DLG2: variants seen among roughly 807,000 people sequenced by gnomAD.
DLG2 encodes the protein discs large MAGUK scaffold protein 2, also known as disks large homolog 2.
DLG2 carries 45 observed loss-of-function variants against 132.5 expected under a neutral mutation model. The ratio of observed to expected loss-of-function variants is 0.34; its 90% confidence interval spans 0.27 to 0.44. DLG2 has a LOEUF of 0.44. DLG2 is among the 20% of genes least tolerant of loss of function. The pLI, the probability that DLG2 is intolerant of heterozygous loss-of-function variation, is 1.00. For synonymous variants in DLG2, 424 were observed against 419.6 expected (o/e 1.01, Z -0.13); for missense variants, 1,045 against 1,196.9 (o/e 0.87, Z 1.87).
chr11:84,957,576 C>T (rs2051881363), intron 6 of DLG2, among the ~76,000 whole-genome samples: 1 of 152,148 alleles, frequency 6.6e-6, no homozygotes, highest in African/African-American at 2.4e-5. Context: ...AAGTTTTCCT[C>T]ACCCTCTCAG....
intron 6 of DLG2, among the ~76,000 whole-genome samples, chr11:84,948,077 T>C (rs192060257): frequency 8.5e-5 from 13 of 152,354 alleles, no homozygotes; most frequent in Admixed American, 7.8e-4. Flanking sequence ...ATGGAATTTC[T>C]AGCTTTAGTA....
At chr11:85,117,259 G>T (rs1594442206) in intron 5 of DLG2, among the ~76,000 whole-genome samples, 1 of 152,154 alleles carries the variant, frequency 6.6e-6, no homozygotes, top group East Asian at 1.9e-4. Flanking sequence ...ACTGAGGAAA[G>T]TGTCCATGAG....
At chr11:85,188,075 C>T (rs1186180709) in intron 4 of DLG2, among the ~76,000 whole-genome samples, 4 of 152,066 alleles carry the variant, frequency 2.6e-5, no homozygotes, top group African/African-American at 7.2e-5. Flanking sequence ...AATCCACAAG[C>T]GCAGAGGAGA....
chr11:84,754,917 TC>T (rs1378210981), intron 6 of DLG2, among the ~76,000 whole-genome samples: 6 of 152,172 alleles, frequency 3.9e-5, no homozygotes, highest in African/African-American at 1.4e-4. Flanking sequence ...TTCTGTAACT[TC>T]CTCTTAGTTT....
intron 8 of DLG2, among the ~76,000 whole-genome samples, chr11:84,190,811 C>T (rs2096392692): frequency 1.3e-5 from 2 of 152,156 alleles, no homozygotes; most frequent in South Asian, 4.1e-4. Flanking sequence ...TCTTCCCTCA[C>T]TCCCTTGTCA....
chr11:83,571,072 G>A (rs556704314), intron 19 of DLG2, among the ~76,000 whole-genome samples: 5 of 152,190 alleles, frequency 3.3e-5, no homozygotes, highest in African/African-American at 1.2e-4. Flanking sequence ...AGTAGAGACA[G>A]GGTTTCACCA....
intron 6 of DLG2, among the ~76,000 whole-genome samples, chr11:84,744,855 G>C (rs953705389): frequency 1.5e-5 from 2 of 134,610 alleles, no homozygotes; most frequent in East Asian, 4.4e-4. Flanking sequence ...TTTGAACTAC[G>C]AAAGTTTCTG....
chr11:83,756,262 G>T (rs1335998275), intron 18 of DLG2, among the ~76,000 whole-genome samples: 1 of 151,256 alleles, frequency 6.6e-6, no homozygotes, highest in East Asian at 1.9e-4. Flanking sequence ...TGGGCCACAG[G>T]TTTAATTCTG....
At chr11:84,250,202 T>C (rs1406275260) in intron 8 of DLG2, among the ~76,000 whole-genome samples, 1 of 152,236 alleles carries the variant, frequency 6.6e-6, no homozygotes, top group African/African-American at 2.4e-5. Flanking sequence ...TGTAAAATGA[T>C]CTGGCACCAG....
chr11:84,007,529 AC>A (rs1230877922), intron 11 of DLG2, among the ~76,000 whole-genome samples: 2 of 151,720 alleles, frequency 1.3e-5, no homozygotes, highest in African/African-American at 4.8e-5. Context: ...TTAATCTTAT[AC>A]TTTTGCCCAA....
intron 4 of DLG2, among the ~76,000 whole-genome samples, chr11:85,209,286 G>A (rs561132289): frequency 1.5e-4 from 23 of 151,776 alleles, no homozygotes; most frequent in Non-Finnish European, 2.9e-4. Context: ...TATCAATGTT[G>A]ATTTTTTTTA....
chr11:84,003,751 G>GA lies in DLG2; in HGVS notation c.920-23110dup, dbSNP rs1382919897. On this transcript the variant is annotated intron_variant, in intron 11 of 27. Transcript: ENST00000376104. ...TAATTAAATATGAGATTTGAGTGGG[G>GA]ACATAAAGCCTAACCATATTAATTC... Among the ~76,000 whole-genome samples, 6 of 152,044 alleles carry GA rather than the reference G, an allele frequency of 3.9e-5. No individual in the cohort carries two copies. In the South Asian group the frequency reaches 8.3e-4, roughly 21 times the overall value.
At chr11:84,125,551 G>C (rs1595751410) in intron 9 of DLG2, among the ~76,000 whole-genome samples, 1 of 152,176 alleles carries the variant, frequency 6.6e-6, no homozygotes, top group Admixed American at 6.5e-5. Context: ...ATGGGGGCAA[G>C]TCAGCTGTAG....
At chr11:84,587,365 C>T (rs1291908778) in intron 6 of DLG2, among the ~76,000 whole-genome samples, 1 of 152,134 alleles carries the variant, frequency 6.6e-6, no homozygotes, top group Non-Finnish European at 1.5e-5. Context: ...TGCTCTCATT[C>T]CATCATTATA....
Position 84,257,414 on chromosome 11 carries a change from T to A in DLG2, c.520-6123A>T, listed in dbSNP as rs540091775. Among the ~76,000 whole-genome samples the A allele has an allele frequency of 2.2e-3, 333 of 152,308 alleles. 2 individuals carry two copies. The highest frequency in any genetic ancestry group is 7.5e-3 in the African/African-American group (310 of 41,568). On this transcript the variant is annotated intron_variant, in intron 7 of 27. Coordinates refer to ENST00000376104, the MANE Select transcript of DLG2 (RefSeq NM_001142699.3). ...CCTGCCACACCTAAATCCCCTGATA[T>A]ATTAATACTGGGACAGATAATAATA...
chr11:83,836,562 A>T (rs925684024), intron 16 of DLG2, among the ~76,000 whole-genome samples: 1 of 152,158 alleles, frequency 6.6e-6, no homozygotes, highest in African/African-American at 2.4e-5. Context: ...GGTTTATGTG[A>T]TTAGGCCAGG....
chr11:84,370,322 G>A (rs2098700940), intron 7 of DLG2, among the ~76,000 whole-genome samples: 1 of 151,846 alleles, frequency 6.6e-6, no homozygotes, highest in African/African-American at 2.4e-5. Flanking sequence ...ATTTAAAAGT[G>A]GAAAAATAAA....
At chr11:85,367,608 T>C (rs527457342) in intron 3 of DLG2, among the ~76,000 whole-genome samples, 1 of 152,304 alleles carries the variant, frequency 6.6e-6, no homozygotes, top group Admixed American at 6.5e-5. Context: ...ATGCTAATTA[T>C]GTGCATTTGA....
intron 24 of DLG2, 36 bp from the exon 25 acceptor site, chr11:83,469,409 T>C (rs2091683761): frequency 1.3e-6 from 2 of 1,553,496 alleles, no homozygotes; most frequent in Non-Finnish European, 1.8e-6. Flanking sequence ...TTAAGGTGCA[T>C]TTATACCCAT....
Sources: allele counts gnomAD v4.1 joint callset (sites outside exome capture counted in the v4.1 genomes callset), GRCh38; gene constraint gnomAD v4.1.1; transcripts MANE v1.5; gene names NCBI Gene and HGNC (gene_info 2026-07-23, HGNC 2026-07-21).